CACNA1B: variants seen among roughly 807,000 people sequenced by gnomAD.
CACNA1B encodes voltage-dependent N-type calcium channel subunit alpha-1B.
CACNA1B carries 70 observed loss-of-function variants against 247.2 expected under a neutral mutation model. The observed-to-expected ratio is 0.28, with a 90% CI of 0.23 to 0.35. The LOEUF is 0.35. Among genes scored for constraint, CACNA1B ranks in the 10% least tolerant of loss-of-function variants. The pLI is 1.00. For missense variants in CACNA1B, 2,367 were observed against 3,197.4 expected, an observed-to-expected ratio of 0.74 and a Z score of 6.26; for synonymous variants, 1,231 against 1,294.4, an observed-to-expected ratio of 0.95 and a Z score of 1.05.
At chr9:138,090,603 CAG>C (rs1960842208) in intron 36 of CACNA1B, among the ~76,000 whole-genome samples, 2 of 143,920 alleles carry the variant, frequency 1.4e-5, no homozygotes, top group African/African-American at 5.2e-5. Context: ...AAATAATCAA[CAG>C]AGTGACAACT....
chr9:137,882,689 C>A lies in CACNA1B; in HGVS notation c.391-55C>A. The A allele has an allele frequency of 6.2e-7, 1 of 1,605,828 alleles. No homozygotes were observed. The highest frequency in any genetic ancestry group is 8.5e-7 in the Non-Finnish European group (1 of 1,173,442). On this transcript the variant is annotated intron_variant, in intron 2 of 46. Transcript: ENST00000371372. This position sits in a 1 kb window ranked among gnomAD's most constrained non-coding sequence, Gnocchi z 4.0. The stretch of plus-strand genomic sequence containing the variant: ...TGGGGTCCTCACCAACCGTCTCTGC[C>A]CGCTACTACACCGGGTAGGGGCCAG...
intron 20 of CACNA1B, among the ~76,000 whole-genome samples, chr9:138,035,752 A>G (rs1357881886): frequency 6.6e-6 from 1 of 151,908 alleles, no homozygotes; most frequent in Non-Finnish European, 1.5e-5. Flanking sequence ...CCTTTCTTCT[A>G]CTTTGTGTAT....
chr9:137,986,557 G>A lies in CACNA1B; in HGVS notation c.1901+13G>A, dbSNP rs768594233. ...TGTTTGGGGGACAGTAAGTGGGCCC[G>A]GGAGGGAGAGCTCAAGGCTGGGGGC... On this transcript the variant is annotated intron_variant, in intron 14 of 46. Transcript: ENST00000371372. The surrounding 1 kb of genome is among the most constrained non-coding windows in gnomAD (Gnocchi z 6.0). The A allele has an allele frequency of 1.1e-5, 17 of 1,613,302 alleles. No homozygotes were observed. The highest frequency in any genetic ancestry group is 3.3e-5 in the Admixed American group (2 of 59,940).
intron 12 of CACNA1B, among the ~76,000 whole-genome samples, chr9:137,976,237 G>A (rs921763456): frequency 6.6e-5 from 10 of 152,242 alleles, no homozygotes. Flanking sequence ...GCTCTCTGTC[G>A]GCGGGAGGTC....
chr9:137,929,969 T>G (rs1564194460), intron 6 of CACNA1B, among the ~76,000 whole-genome samples: 1 of 150,946 alleles, frequency 6.6e-6, no homozygotes, highest in African/African-American at 2.4e-5. Flanking sequence ...TTTAAAACTG[T>G]TTTTTTTTGT....
At chr9:138,039,383 G>GT (rs1392698475) in intron 20 of CACNA1B, among the ~76,000 whole-genome samples, 11 of 152,000 alleles carry the variant, frequency 7.2e-5, no homozygotes, top group Admixed American at 4.6e-4. Flanking sequence ...TTGTTTAAAA[G>GT]TTTTTTCTTT....
rs922302363 is a variant in CACNA1B at position 137,952,134 on chromosome 9, C to T, written c.967-140C>T. The T allele has an allele frequency of 5.9e-5, 39 of 663,884 alleles. No individual in the cohort carries two copies. Among genetic ancestry groups the T allele is most frequent in the Non-Finnish European group, 9.6e-5 (35 of 365,740 alleles). The allele number at this position is 663,884 out of a possible 1,614,324, so 41.1% of individuals were successfully genotyped here. ...ACTCCAGCCCCATGCTTGGACCTCC[C>T]TGTGACTGGCCTCCCCACTGCCTGG... On this transcript the variant is annotated intron_variant, in intron 6 of 46. Transcript: ENST00000371372. This position sits in a 1 kb window ranked among gnomAD's most constrained non-coding sequence, Gnocchi z 4.8.
intron 15 of CACNA1B, among the ~76,000 whole-genome samples, chr9:137,995,023 G>C (rs995248376): frequency 1.3e-5 from 2 of 152,012 alleles, no homozygotes; most frequent in African/African-American, 4.8e-5. Context: ...TGACCAACAT[G>C]ATGAAACCCC....
chr9:138,024,118 G>A (rs911955742), intron 19 of CACNA1B, among the ~76,000 whole-genome samples: 1 of 152,220 alleles, frequency 6.6e-6, no homozygotes, highest in African/African-American at 2.4e-5. Context: ...GGGAATTGTT[G>A]CGACTGGCTT....
At chr9:137,904,176 T>C (rs577074541) in intron 3 of CACNA1B, among the ~76,000 whole-genome samples, 2 of 152,288 alleles carry the variant, frequency 1.3e-5, no homozygotes, top group Admixed American at 1.3e-4. Flanking sequence ...TTCAAGCTGA[T>C]GCTCTGGACC....
chr9:138,065,950 G>A (rs933644406), intron 31 of CACNA1B, among the ~76,000 whole-genome samples: 8 of 152,168 alleles, frequency 5.3e-5, no homozygotes, highest in Non-Finnish European at 1.0e-4. Flanking sequence ...CAACAGAGGA[G>A]AATCTGTCCA....
chr9:138,085,002 A>C (rs1960649010), intron 36 of CACNA1B, among the ~76,000 whole-genome samples: 1 of 150,406 alleles, frequency 6.6e-6, no homozygotes, highest in Non-Finnish European at 1.5e-5. Flanking sequence ...AAGGAACATA[A>C]CTCTTTAGTA....
At chr9:137,892,985 A>G (rs564236677) in intron 3 of CACNA1B, among the ~76,000 whole-genome samples, 169 of 152,236 alleles carry the variant, frequency 1.1e-3, no homozygotes, top group African/African-American at 3.9e-3. Context: ...GACACACGGG[A>G]GGGGGGCCGC....
intron 6 of CACNA1B, among the ~76,000 whole-genome samples, chr9:137,922,643 G>A (rs1270365414): frequency 6.6e-6 from 1 of 152,206 alleles, no homozygotes; most frequent in Admixed American, 6.5e-5. Flanking sequence ...AGAGCAGTGG[G>A]AAGTAACTGC....
intron 6 of CACNA1B, among the ~76,000 whole-genome samples, chr9:137,934,723 C>A (rs974038094): frequency 2.0e-5 from 3 of 152,104 alleles, no homozygotes; most frequent in African/African-American, 7.2e-5. Flanking sequence ...AGAAGAGAGA[C>A]AACAATCACT....
intron 35 of CACNA1B, among the ~76,000 whole-genome samples, 167 bp downstream of exon 35, chr9:138,076,077 C>T (rs1438721985): frequency 6.6e-6 from 1 of 152,222 alleles, no homozygotes; most frequent in African/African-American, 2.4e-5. Flanking sequence ...TCTCTCTGCT[C>T]CTCTTTTCCA....
chr9:137,911,301 C>G (rs1564885750), intron 3 of CACNA1B, among the ~76,000 whole-genome samples: 1 of 152,186 alleles, frequency 6.6e-6, no homozygotes, highest in African/African-American at 2.4e-5. Flanking sequence ...AATAGTTGAT[C>G]CTGCTGAATG....
Position 138,052,129 on chromosome 9 carries a change from C to T in CACNA1B, c.3748C>T (p.Leu1250=). 6.2e-7 allele frequency: 1 copy of T among 1,612,588 alleles called. No homozygotes were observed. The highest frequency in any genetic ancestry group is 8.5e-7 in the Non-Finnish European group (1 of 1,178,920). ...GAAAGACATCAATACCATCAAGTCT[C>T]TGAGAGTCCTTCGTGTCCTGCGGCC... The part of the protein sequence containing the change: ...KGKDINTIKS[L]RVLRVLRPLK... Residue 1250 remains leucine (L), a synonymous_variant, in exon 25 of 47, where the codon CTG becomes TTG. Coordinates refer to ENST00000371372, the MANE Select transcript of CACNA1B (RefSeq NM_000718.4). This position sits in a 1 kb window ranked among gnomAD's most constrained non-coding sequence, Gnocchi z 5.1.
intron 31 of CACNA1B, among the ~76,000 whole-genome samples, chr9:138,063,287 G>A (rs1959798382): frequency 6.6e-6 from 1 of 152,228 alleles, no homozygotes; most frequent in South Asian, 2.1e-4. Context: ...CAGCCTAGGA[G>A]TTGGAGACTA....
Sources: allele counts gnomAD v4.1 joint callset (sites outside exome capture counted in the v4.1 genomes callset), GRCh38; gene constraint gnomAD v4.1.1; non-coding constraint Gnocchi (gnomAD v3.1); transcripts MANE v1.5; gene names NCBI Gene and HGNC (gene_info 2026-07-23, HGNC 2026-07-21).